ASXL1: variants seen among roughly 807,000 people sequenced by gnomAD.
ASXL1 encodes polycomb group protein ASXL1.
ASXL1 carries 65 observed loss-of-function variants against 89.1 expected under a neutral mutation model. The observed-to-expected ratio is 0.73, with a 90% CI of 0.60 to 0.90. ASXL1 has a LOEUF of 0.90. ASXL1 is among the 40% of genes least tolerant of loss of function. The pLI, the probability that ASXL1 is intolerant of heterozygous loss-of-function variation, is 0.00. For missense variants in ASXL1, 1,786 were observed against 1,942.9 expected (o/e 0.92, Z 1.52); for synonymous variants, 739 against 746.9 (o/e 0.99, Z 0.17).
At chr20:32,407,526 A>T (rs1473054223) in intron 4 of ASXL1, among the ~76,000 whole-genome samples, 1 of 152,148 alleles carries the variant, frequency 6.6e-6, no homozygotes, top group African/African-American at 2.4e-5. Flanking sequence ...GCGGTAGCAC[A>T]GTCACAACTC....
rs983682590 is a variant in ASXL1, at chr20:32,386,876, G to A, written c.252+17753G>A. 3.5e-5 allele frequency among the ~76,000 whole-genome samples: 5 copies of A among 142,748 alleles called. No homozygotes were observed. In the East Asian group the frequency reaches 6.1e-4, roughly 17 times the overall value. The allele number at this position is 142,748 out of a possible 152,430, so 93.6% of individuals were successfully genotyped here. A position where few individuals can be genotyped will look rare whatever the true frequency, so the allele number is the denominator to read the frequency against. ...TGTACCTTGATGTGGGTCTTTTCTC[G>A]CCCTTTGTGCTATTAGGTCTAGCAA... On this transcript the variant is annotated intron_variant, in intron 4 of 12. Coordinates refer to ENST00000375687, the MANE Select transcript of ASXL1 (RefSeq NM_015338.6).
At chr20:32,380,892 A>G (rs1368864279) in intron 4 of ASXL1, among the ~76,000 whole-genome samples, 1 of 152,238 alleles carries the variant, frequency 6.6e-6, no homozygotes, top group African/African-American at 2.4e-5. Context: ...ATAGGTGTGT[A>G]GCAAGCAAAG....
rs147326327 is a variant in ASXL1, at chr20:32,436,678, G to T, written c.3966G>T (p.Pro1322=). Residue 1322 remains proline, a synonymous_variant, in exon 13 of 13, where the codon CCG becomes CCT. Coordinates refer to ENST00000375687, the MANE Select transcript of ASXL1 (RefSeq NM_015338.6). The part of the protein sequence containing the change: ...ATLQRPRPAD[P]MPLPAEIPPV... ...TTCAGCGCCCCAGGCCTGCGGACCC[G>T]ATGCCTCTTCCTGCTGAGATCCCTC... is the stretch of plus-strand genomic sequence containing the variant. The T allele has an allele frequency of 1.2e-6, 2 of 1,613,986 alleles. No homozygotes were observed. The highest frequency in any genetic ancestry group is 8.5e-7 in the Non-Finnish European group (1 of 1,180,044).
chr20:32,359,051 C>G (rs927009970), intron 1 of ASXL1: 4 of 608,320 alleles, frequency 6.6e-6, no homozygotes, highest in Admixed American at 3.0e-5. Context: ...GCGCCCCCCC[C>G]GCCCCGCGCA....
At chr20:32,400,177 G>T (rs1013535142) in intron 4 of ASXL1, among the ~76,000 whole-genome samples, 1 of 151,804 alleles carries the variant, frequency 6.6e-6, no homozygotes, top group Non-Finnish European at 1.5e-5. Context: ...TAATGTCCTT[G>T]TGTACTCATT....
chr20:32,372,428 A>G, intron 4 of ASXL1: 1 of 1,090,758 alleles, frequency 9.2e-7, no homozygotes, highest in Non-Finnish European at 1.1e-6. Flanking sequence ...TAATGGATTA[A>G]TGGTTTGCTT....
At chr20:32,379,713 C>T (rs1282585058) in intron 4 of ASXL1, among the ~76,000 whole-genome samples, 6 of 151,696 alleles carry the variant, frequency 4.0e-5, no homozygotes, top group Admixed American at 3.9e-4. Context: ...GTAATCCCAG[C>T]TACTAGGGAG....
chr20:32,420,818 A>G (rs1280898811), intron 4 of ASXL1, among the ~76,000 whole-genome samples: 1 of 152,204 alleles, frequency 6.6e-6, no homozygotes, highest in Non-Finnish European at 1.5e-5. Context: ...TGGGTGAAAG[A>G]CTTGAACAGA....
chr20:32,399,793 A>C, intron 4 of ASXL1, among the ~76,000 whole-genome samples: 3 of 106,144 alleles, frequency 2.8e-5, no homozygotes, highest in Non-Finnish European at 3.5e-5. Flanking sequence ...ACTGAGTCTC[A>C]CTCTGTTGCC....
At chr20:32,374,460 A>G (rs929533107) in intron 4 of ASXL1, among the ~76,000 whole-genome samples, 2 of 151,968 alleles carry the variant, frequency 1.3e-5, no homozygotes, top group African/African-American at 4.8e-5. Context: ...CCTAATTAAA[A>G]AAAATTTTTT....
At chr20:32,377,032 T>TA (rs2048392504) in intron 4 of ASXL1, among the ~76,000 whole-genome samples, 1 of 141,836 alleles carries the variant, frequency 7.1e-6, no homozygotes, top group South Asian at 2.2e-4. Flanking sequence ...GGTCAGGTGA[T>TA]ATAATATACA....
At position 32,434,650 on chromosome 20, in the gene ASXL1, C is replaced by G. The variant is rs780694904; in HGVS notation, c.1938C>G (p.Gly646=). 1 of 1,604,574 alleles carries G rather than the reference C, an allele frequency of 6.2e-7. No homozygotes were observed. The highest frequency in any genetic ancestry group is 1.1e-5 in the South Asian group (1 of 90,478). Reference sequence around the variant, plus strand: ...CCACTGCCATCGGAGGGGGGGGTGGCCCGGGTGGAGGTGGCGGCGGGGCCA... The same window carrying G: ...CCACTGCCATCGGAGGGGGGGGTGGGCCGGGTGGAGGTGGCGGCGGGGCCA... The part of the protein sequence containing the change: ...AATTAIGGGG[G]PGGGGGGATD... Residue 646 remains glycine, a synonymous_variant, in exon 13 of 13, where the codon GGC becomes GGG. Coordinates refer to ENST00000375687, the MANE Select transcript of ASXL1 (RefSeq NM_015338.6).
At position 32,433,684 on chromosome 20, in the gene ASXL1, A is replaced by G. The variant is rs2123264581; in HGVS notation, c.1486A>G (p.Asn496Asp). 1.2e-6 allele frequency: 2 copies of G among 1,611,134 alleles called. No individual in the cohort carries two copies. The highest frequency in any genetic ancestry group is 2.2e-5 in the South Asian group (2 of 91,044). Residue 496 changes from asparagine to aspartate, a missense_variant, in exon 12 of 13, where the codon AAC becomes GAC. Around this residue, in one of 3 missense-constraint regions of ASXL1, gnomAD observed 1,418 missense variants for 1,427.8 expected, o/e 0.99. Coordinates refer to ENST00000375687, the MANE Select transcript of ASXL1 (RefSeq NM_015338.6). ...VASRIQAEPD[N>D]LARASASPDR... is the part of the protein sequence containing the mutation. ...TTCTCGGATCCAGGCTGAGCCAGAC[A>G]ACTTGGCACGTGCCTCTGCATCTCC...
At chr20:32,371,964 A>T (rs1234886164) in intron 4 of ASXL1, 2 of 417,326 alleles carry the variant, frequency 4.8e-6, no homozygotes, top group Non-Finnish European at 8.5e-6. Flanking sequence ...ATTATTTAAT[A>T]CATATATGTT....
chr20:32,359,959 C>G (rs2048083409), intron 1 of ASXL1: 7 of 644,422 alleles, frequency 1.1e-5, no homozygotes, highest in South Asian at 1.1e-4. Context: ...TCTCTTGACA[C>G]TGTAGTTTAT....
At chr20:32,408,938 T>C (rs534029831) in intron 4 of ASXL1, among the ~76,000 whole-genome samples, 7 of 152,046 alleles carry the variant, frequency 4.6e-5, no homozygotes, top group Non-Finnish European at 1.0e-4. Flanking sequence ...GCCTTAACAT[T>C]TTTTTCTCAA....
intron 4 of ASXL1, among the ~76,000 whole-genome samples, chr20:32,384,198 G>GT (rs71187115): frequency 0.046 from 3,555 of 77,284 alleles, 553 homozygotes; most frequent in African/African-American, 0.09. Flanking sequence ...GCAGCAGTCT[G>GT]TTTTTTTTTT....
intron 4 of ASXL1, among the ~76,000 whole-genome samples, chr20:32,396,394 T>C (rs1389503333): frequency 3.3e-5 from 5 of 152,228 alleles, no homozygotes; most frequent in African/African-American, 9.6e-5. Context: ...AGCTGGAAAC[T>C]AATTCTTTTG....
rs911741322 is a variant in ASXL1 at position 32,358,568 on chromosome 20, A to AGCC, written c.-198_-196dup. The AGCC allele has an allele frequency of 6.4e-5, 13 of 202,770 alleles. No individual in the cohort carries two copies. The highest frequency in any genetic ancestry group is 1.4e-4 in the East Asian group (2 of 13,876). 12.6% of individuals were successfully genotyped at this position (202,770 alleles called of 1,614,324 possible). The stretch of plus-strand genomic sequence containing the variant: ...CGACTGACGCAGCGCGGGCGCGTGG[A>AGCC]GCCGCCGCCGCCCCTCCCCCACCGC... On this transcript the variant is annotated 5_prime_UTR_variant, in exon 1 of 13. Transcript: ENST00000375687.
Sources: gnomAD v4.1 joint callset for allele counts (sites outside exome capture counted in the v4.1 genomes callset) on GRCh38, gnomAD v4.1.1 for gene constraint, gnomAD v4.1.1 regional missense constraint, MANE v1.5 for transcripts, NCBI Gene and HGNC (gene_info 2026-07-23, HGNC 2026-07-21) for gene names.